The following CDH15 variants were observed in gnomAD, a reference collection of about 807,000 sequenced individuals.
CDH15 encodes the protein cadherin-15.
Under a neutral mutation model 69.4 loss-of-function variants are expected in CDH15, and 73 were observed. The observed-to-expected ratio is 1.05, with a 90% CI of 0.87 to 1.28. CDH15 has a LOEUF of 1.28. CDH15 is among the 50% of genes most tolerant of loss of function. The pLI is 0.00. For missense variants in CDH15, 1,343 were observed against 1,133.6 expected (o/e 1.18, Z -2.65); for synonymous variants, 624 against 507.7 (o/e 1.23, Z -3.08).
intron 1 of CDH15, among the ~76,000 whole-genome samples, chr16:89,178,428 T>A (rs951050417): frequency 2.6e-5 from 4 of 152,108 alleles, no homozygotes; most frequent in African/African-American, 9.7e-5. Flanking sequence ...AGCTGAAGTA[T>A]TGGGGTGAAG....
chr16:89,185,237 G>A lies in CDH15; in HGVS notation c.567G>A (p.Leu189=). ...ACCCCGAGACGGACAACGCAGCGCT[G>A]CGGTTCTCCATCCTGCAGCAGGGCA... ...ADDPETDNAA[L]RFSILQQGSP... is the part of the protein sequence containing the mutation. The change falls in exon 5 of 14, where the codon CTG becomes CTA. Residue 189 remains leucine, a synonymous_variant. Transcript: ENST00000289746. The A allele has an allele frequency of 6.2e-7, 1 of 1,606,020 alleles. No homozygotes were observed. Among genetic ancestry groups the A allele is most frequent in the Non-Finnish European group, 8.5e-7 (1 of 1,176,686 alleles).
chr16:89,177,152 C>T (rs976049868), intron 1 of CDH15, among the ~76,000 whole-genome samples: 10 of 149,182 alleles, frequency 6.7e-5, no homozygotes, highest in East Asian at 4.2e-4. Context: ...ACGATGCAGA[C>T]GCCACACCCT....
intron 11 of CDH15, 41 bp from the exon 12 acceptor site, chr16:89,193,429 G>A: frequency 1.3e-6 from 2 of 1,513,394 alleles, no homozygotes; most frequent in East Asian, 2.5e-5. Flanking sequence ...CTGAAGTCGC[G>A]CCCTGTGCCT....
At chr16:89,189,392 C>A (rs1189510367) in intron 7 of CDH15, among the ~76,000 whole-genome samples, 1 of 152,054 alleles carries the variant, frequency 6.6e-6, no homozygotes, top group African/African-American at 2.4e-5. Context: ...CAGATGCCCA[C>A]ACACAGATGC....
intron 7 of CDH15, among the ~76,000 whole-genome samples, chr16:89,189,129 A>T (rs1261287024): frequency 6.9e-6 from 1 of 144,090 alleles, no homozygotes; most frequent in African/African-American, 2.6e-5. Flanking sequence ...GTGCCCACAC[A>T]AAGATGCCGG....
chr16:89,172,144 C>T (rs184892648), intron 1 of CDH15, among the ~76,000 whole-genome samples: 56 of 152,196 alleles, frequency 3.7e-4, no homozygotes, highest in Middle Eastern at 6.8e-3. Flanking sequence ...CAGGGGCCAC[C>T]CAGGTAGCCG....
In CDH15 at chr16:89,192,459, C is replaced by T. The variant is rs1415943904; in HGVS notation, c.1855+15C>T. On this transcript the variant is annotated intron_variant, in intron 11 of 13. Transcript: ENST00000289746. Reference sequence around the variant, plus strand: ...CCTGCTGCTGGGTGAGTGAGCGCCCCGCCTCCACCTGGACCCTCGGACCCT... The same window carrying T: ...CCTGCTGCTGGGTGAGTGAGCGCCCTGCCTCCACCTGGACCCTCGGACCCT... 1.3e-6 allele frequency: 2 copies of T among 1,563,514 alleles called. No individual in the cohort carries two copies. Among genetic ancestry groups the T allele is most frequent in the East Asian group, 2.3e-5 (1 of 42,608 alleles).
At chr16:89,175,305 C>T (rs934930133) in intron 1 of CDH15, among the ~76,000 whole-genome samples, 1 of 152,228 alleles carries the variant, frequency 6.6e-6, no homozygotes, top group African/African-American at 2.4e-5. Flanking sequence ...GTGGCCCCTC[C>T]ACCTCAGCCG....
intron 1 of CDH15, among the ~76,000 whole-genome samples, chr16:89,173,260 G>T (rs1024357130): frequency 5.3e-5 from 8 of 152,224 alleles, no homozygotes; most frequent in African/African-American, 1.9e-4. Flanking sequence ...TGGGGACAGG[G>T]TTTCTTCCCT....
chr16:89,190,625 G>A (rs1915617417), intron 8 of CDH15, 129 bp downstream of exon 8: 1 of 1,212,220 alleles, frequency 8.2e-7, no homozygotes, highest in South Asian at 1.4e-5. Context: ...GTTCCTGAAG[G>A]TCTGGAGGGT....
chr16:89,192,524 C>A, intron 11 of CDH15, 80 bp downstream of exon 11: 1 of 1,503,180 alleles, frequency 6.7e-7, no homozygotes, highest in South Asian at 1.2e-5. Flanking sequence ...TAACCAGCCA[C>A]GCCGCTTCCT....
intron 1 of CDH15, among the ~76,000 whole-genome samples, chr16:89,177,040 A>T (rs1287442807): frequency 6.6e-6 from 1 of 151,844 alleles, no homozygotes; most frequent in Non-Finnish European, 1.5e-5. Flanking sequence ...TTCCTTGGGG[A>T]GCTGCTGCCA....
intron 1 of CDH15, among the ~76,000 whole-genome samples, chr16:89,172,301 C>G (rs994686571): frequency 2.0e-5 from 3 of 152,068 alleles, no homozygotes; most frequent in African/African-American, 7.2e-5. Context: ...GGCACAGGAC[C>G]CCTGGCTAGT....
intron 7 of CDH15, among the ~76,000 whole-genome samples, chr16:89,188,778 A>G (rs1915559555): frequency 6.8e-6 from 1 of 146,762 alleles, no homozygotes; most frequent in Non-Finnish European, 1.5e-5. Flanking sequence ...ATGCCCACAC[A>G]CAGATGCCCA....
At chr16:89,179,293 G>T in intron 1 of CDH15, 123 bp from the exon 2 acceptor site, 2 of 1,149,580 alleles carry the variant, frequency 1.7e-6, no homozygotes, top group South Asian at 2.7e-5. Flanking sequence ...AATGGGCACC[G>T]ACCCGTGGGC....
At position 89,192,308 on chromosome 16, in the gene CDH15, G is replaced by A. The variant is rs1347566565; in HGVS notation, c.1719G>A (p.Gln573=). 5.2e-6 allele frequency: 8 copies of A among 1,534,238 alleles called. No individual in the cohort carries two copies. The East Asian group carries it at 2.0e-4, about 37-fold the overall frequency. Residue 573 remains glutamine, a synonymous_variant, in exon 11 of 14, where the codon CAG becomes CAA. Transcript: ENST00000289746. ...DSGQPPQQRE[Q]PLNVTVCRCG... is the part of the protein sequence containing the mutation. ...GGCAGCCGCCCCAGCAGCGCGAGCAGCCTCTGAACGTGACCGTGTGCCGCT... is the reference window on the plus strand; with the variant it reads ...GGCAGCCGCCCCAGCAGCGCGAGCAACCTCTGAACGTGACCGTGTGCCGCT...
chr16:89,192,129 T>G, intron 10 of CDH15, 76 bp from the exon 11 acceptor site: 1 of 1,457,854 alleles, frequency 6.9e-7, no homozygotes. Context: ...ATCCCCACCC[T>G]GTCTCGGCGC....
Position 89,193,548 on chromosome 16 carries a change from A to G in CDH15, c.1934A>G (p.Asp645Gly). Reference sequence around the variant, plus strand: ...AAGGGGCTGCTGCACGGCCCCCAGGACGACCTTCGAGACAATGTCCTCAAC... The same window carrying G: ...AAGGGGCTGCTGCACGGCCCCCAGGGCGACCTTCGAGACAATGTCCTCAAC... ...RGKGLLHGPQ[D>G]DLRDNVLNYD... The change falls in exon 12 of 14, where the codon GAC (aspartate) becomes GGC (glycine). Residue 645 changes from aspartate (D) to glycine (G), a missense_variant. By Grantham distance (94) the Asp-to-Gly change is moderately conservative (BLOSUM62 -1). Transcript: ENST00000289746. 6.8e-6 allele frequency: 11 copies of G among 1,611,160 alleles called. No individual in the cohort carries two copies. Among genetic ancestry groups the G allele is most frequent in the Non-Finnish European group, 8.5e-6 (10 of 1,179,516 alleles).
chr16:89,184,998 C>A (rs909259624), intron 4 of CDH15, among the ~76,000 whole-genome samples, 175 bp from the exon 5 acceptor site: 1 of 152,232 alleles, frequency 6.6e-6, no homozygotes, highest in Non-Finnish European at 1.5e-5. Flanking sequence ...TGGGGGTTGC[C>A]GCATGCTGGC....
Sources: allele counts gnomAD v4.1 joint callset (sites outside exome capture counted in the v4.1 genomes callset), GRCh38; gene constraint gnomAD v4.1.1; transcripts MANE v1.5; gene names NCBI Gene and HGNC (gene_info 2026-07-23, HGNC 2026-07-21).